TNFRSF8: variants seen among roughly 807,000 people sequenced by gnomAD.
TNFRSF8 encodes the protein tumor necrosis factor receptor superfamily member 8.
In TNFRSF8, 26 loss-of-function variants were observed where a neutral mutation model predicts 70.8. That is an observed-to-expected ratio of 0.37 (90% CI 0.27 to 0.51). The LOEUF (loss-of-function observed/expected upper bound fraction) is 0.51, where lower values mean the gene tolerates loss of function less well. TNFRSF8 is among the 20% of genes least tolerant of loss of function. TNFRSF8 has a pLI of 0.94. For synonymous variants in TNFRSF8, 356 were observed against 339.2 expected, an observed-to-expected ratio of 1.05 and a Z score of -0.54; for missense variants, 720 against 807.9, an observed-to-expected ratio of 0.89 and a Z score of 1.32.
rs1163201134 is a variant in TNFRSF8 at position 12,108,291 on chromosome 1, G to T, written c.422-1275G>T. ...GATGGGGTTTCACTATGTTGTCCAG[G>T]CTGGTCTCGAACTCCTGACCTCATG... On this transcript the variant is annotated intron_variant, in intron 4 of 14. Transcript: ENST00000263932. The surrounding 1 kb of genome is among the most constrained non-coding windows in gnomAD (Gnocchi z 4.0). 6.6e-6 allele frequency among the ~76,000 whole-genome samples: 1 copy of T among 151,882 alleles called. No individual in the cohort carries two copies. Among genetic ancestry groups the T allele is most frequent in the Non-Finnish European group, 1.5e-5 (1 of 67,986 alleles).
chr1:12,065,346 G>A (rs1640721862), intron 1 of TNFRSF8, among the ~76,000 whole-genome samples: 1 of 151,814 alleles, frequency 6.6e-6, no homozygotes, highest in African/African-American at 2.4e-5. Context: ...GCCTCCCAAA[G>A]TGCTAGGGTT....
At chr1:12,132,412 C>G (rs760564201) in intron 12 of TNFRSF8, among the ~76,000 whole-genome samples, 28 of 152,258 alleles carry the variant, frequency 1.8e-4, no homozygotes, top group Non-Finnish European at 3.5e-4. Flanking sequence ...ATGGCCTTGG[C>G]AGTTTTTGAG....
chr1:12,135,736 C>T (rs912736699), intron 13 of TNFRSF8, 123 bp downstream of exon 13: 17 of 1,363,626 alleles, frequency 1.2e-5, no homozygotes, highest in Middle Eastern at 3.6e-4. Context: ...ACTGGCCATT[C>T]CCCTCCCACA....
In TNFRSF8 at chr1:12,080,883, T is replaced by C. The variant is rs560041909; in HGVS notation, c.64-3581T>C. On this transcript the variant is annotated intron_variant, in intron 1 of 14. Coordinates refer to ENST00000263932, the MANE Select transcript of TNFRSF8 (RefSeq NM_001243.5). The stretch of plus-strand genomic sequence containing the variant: ...CCCTGGGATTTTTTTATTTTAAAGA[T>C]GGGTAGCCTGTGGCCCAGAGATGGG... Among the ~76,000 whole-genome samples, 50 of 152,246 alleles carry C rather than the reference T, an allele frequency of 3.3e-4. No homozygotes were observed. The South Asian group carries it at 9.3e-3, about 28-fold the overall frequency.
At chr1:12,106,232 G>A (rs551717088) in intron 4 of TNFRSF8, among the ~76,000 whole-genome samples, 2 of 152,216 alleles carry the variant, frequency 1.3e-5, no homozygotes, top group South Asian at 4.1e-4. Flanking sequence ...CACCTGCGCT[G>A]CCCTTCTTCC....
chr1:12,128,434 G>A (rs1460755205), intron 12 of TNFRSF8, among the ~76,000 whole-genome samples: 3 of 152,340 alleles, frequency 2.0e-5, no homozygotes, highest in East Asian at 1.9e-4. Flanking sequence ...CGACCTTCCC[G>A]TGTGTGTCCT....
intron 3 of TNFRSF8, 80 bp from the exon 4 acceptor site, chr1:12,104,299 C>G (rs1438558944): frequency 6.5e-7 from 1 of 1,536,710 alleles, no homozygotes; most frequent in Admixed American, 1.7e-5. Flanking sequence ...TGCACCTGCC[C>G]TCTCCCCCTC....
rs184155855 is a variant in TNFRSF8 at position 12,114,617 on chromosome 1, C to T, written c.794-960C>T. Among the ~76,000 whole-genome samples the T allele has an allele frequency of 1.0e-4, 15 of 147,964 alleles. No homozygotes were observed. In the East Asian group the frequency reaches 2.2e-3, roughly 21 times the overall value. On this transcript the variant is annotated intron_variant, in intron 7 of 14. Coordinates refer to ENST00000263932, the MANE Select transcript of TNFRSF8 (RefSeq NM_001243.5). Reference sequence around the variant, plus strand: ...GAGCGTTGCAAAATATTCCCGAATACGTACAAATGCATTATTACACTTATT... The same window carrying T: ...GAGCGTTGCAAAATATTCCCGAATATGTACAAATGCATTATTACACTTATT...
At chr1:12,136,370 C>T (rs986925972) in intron 13 of TNFRSF8, among the ~76,000 whole-genome samples, 7 of 152,068 alleles carry the variant, frequency 4.6e-5, no homozygotes, top group South Asian at 4.1e-4. Context: ...GTCTTTTGGC[C>T]GGATATGATG....
At position 12,142,807 on chromosome 1, in the gene TNFRSF8, G is replaced by T. The variant is rs1276507394; in HGVS notation, c.*276G>T. 7.1e-6 allele frequency: 3 copies of T among 424,236 alleles called. No homozygotes were observed. The South Asian group carries it at 1.2e-4, about 17-fold the overall frequency. The allele number at this position is 424,236 out of a possible 1,614,324, so 26.3% of individuals were successfully genotyped here. A position where few individuals can be genotyped will look rare whatever the true frequency, so the allele number is the denominator to read the frequency against. On this transcript the variant is annotated 3_prime_UTR_variant, in exon 15 of 15. Coordinates refer to ENST00000263932, the MANE Select transcript of TNFRSF8 (RefSeq NM_001243.5). The surrounding 1 kb of genome is among the most constrained non-coding windows in gnomAD (Gnocchi z 5.0). ...CCCAGCAGTGATGTTGGTTGAGGCA[G>T]CAAACAGATGGCAGGATGGGCACTG...
In TNFRSF8 at chr1:12,142,254, C is replaced by T. The variant is rs764277934; in HGVS notation, c.1544-33C>T. On this transcript the variant is annotated intron_variant, in intron 14 of 14. Coordinates refer to ENST00000263932, the MANE Select transcript of TNFRSF8 (RefSeq NM_001243.5). The surrounding 1 kb of genome is among the most constrained non-coding windows in gnomAD (Gnocchi z 5.0). ...GCTCCCATCCTGGCTGGTGCTCTGGCCTCCCTCGCTCACCCATCCTTTTGC... is the reference window on the plus strand; with the variant it reads ...GCTCCCATCCTGGCTGGTGCTCTGGTCTCCCTCGCTCACCCATCCTTTTGC... The T allele has an allele frequency of 1.3e-6, 2 of 1,536,046 alleles. No homozygotes were observed. The highest frequency in any genetic ancestry group is 1.8e-6 in the Non-Finnish European group (2 of 1,136,428).
intron 1 of TNFRSF8, among the ~76,000 whole-genome samples, chr1:12,079,256 C>T (rs1641020758): frequency 6.6e-6 from 1 of 152,164 alleles, no homozygotes; most frequent in Non-Finnish European, 1.5e-5. Flanking sequence ...GGTTTTAGGC[C>T]ACCCTCTCTT....
At chr1:12,082,865 A>C (rs2100965618) in intron 1 of TNFRSF8, among the ~76,000 whole-genome samples, 1 of 152,330 alleles carries the variant, frequency 6.6e-6, no homozygotes, top group South Asian at 2.1e-4. Context: ...GAAAGTGAAA[A>C]GGCAAGCCAG....
chr1:12,085,253 G>A (rs931840542), intron 2 of TNFRSF8, among the ~76,000 whole-genome samples: 5 of 152,048 alleles, frequency 3.3e-5, no homozygotes, highest in South Asian at 2.1e-4. Context: ...TGGGATTACC[G>A]GCATGCACCA....
At chr1:12,067,912 G>A (rs925563606) in intron 1 of TNFRSF8, among the ~76,000 whole-genome samples, 3 of 130,124 alleles carry the variant, frequency 2.3e-5, no homozygotes, top group Non-Finnish European at 3.3e-5. Flanking sequence ...GCGGGGGGGG[G>A]ACCTGGAGAG....
intron 1 of TNFRSF8, among the ~76,000 whole-genome samples, chr1:12,081,606 A>G (rs1641064203): frequency 6.6e-6 from 1 of 152,032 alleles, no homozygotes; most frequent in Non-Finnish European, 1.5e-5. Context: ...TTGGGCAAAT[A>G]TCACGTTCAT....
At chr1:12,072,828 C>T (rs56795070) in intron 1 of TNFRSF8, among the ~76,000 whole-genome samples, 4,129 of 152,282 alleles carry the variant, frequency 0.027, 195 homozygotes, top group African/African-American at 0.094. Context: ...TCCTAAACCC[C>T]ACCTTCACCT....
At chr1:12,122,705 A>G (rs1187749354) in intron 8 of TNFRSF8, among the ~76,000 whole-genome samples, 1 of 152,160 alleles carries the variant, frequency 6.6e-6, no homozygotes, top group Non-Finnish European at 1.5e-5. Flanking sequence ...AAAAGAAAAA[A>G]ACTTTAAAAA....
Position 12,142,641 on chromosome 1 carries a change from G to C in TNFRSF8, c.*110G>C. The C allele has an allele frequency of 1.4e-6, 2 of 1,404,136 alleles. No individual in the cohort carries two copies. The highest frequency in any genetic ancestry group is 2.5e-5 in the Admixed American group (1 of 40,492). The allele number at this position is 1,404,136 out of a possible 1,614,324, so 87.0% of individuals were successfully genotyped here. On this transcript the variant is annotated 3_prime_UTR_variant, in exon 15 of 15. Transcript: ENST00000263932. The surrounding 1 kb of genome is among the most constrained non-coding windows in gnomAD (Gnocchi z 5.0). ...AGAGGCCCATCTGGCCTGAACTGAG[G>C]CTCCAGCATCTAGTGGTGGACCGGC... is the stretch of plus-strand genomic sequence containing the variant.
Sources: allele counts gnomAD v4.1 joint callset (sites outside exome capture counted in the v4.1 genomes callset), GRCh38; gene constraint gnomAD v4.1.1; non-coding constraint Gnocchi (gnomAD v3.1); transcripts MANE v1.5; gene names NCBI Gene and HGNC (gene_info 2026-07-23, HGNC 2026-07-21).